RALGPS2: variants seen among roughly 807,000 people sequenced by gnomAD.
RALGPS2 encodes the protein ras-specific guanine nucleotide-releasing factor RalGPS2.
A neutral mutation model predicts 86.8 loss-of-function variants in RALGPS2; 43 were observed. That is an observed-to-expected ratio of 0.50 (90% CI 0.39 to 0.64). The LOEUF is 0.64. Among genes scored for constraint, RALGPS2 ranks in the 30% least tolerant of loss-of-function variants. RALGPS2 has a pLI of 0.00. For synonymous variants in RALGPS2, 243 were observed against 231.3 expected (o/e 1.05, Z -0.46); for missense variants, 536 against 694.6 (o/e 0.77, Z 2.57).
intron 8 of RALGPS2, among the ~76,000 whole-genome samples, chr1:178,852,513 T>C (rs1434766071): frequency 1.3e-5 from 2 of 152,182 alleles, no homozygotes; most frequent in East Asian, 3.8e-4. Flanking sequence ...GGGATTGCCT[T>C]ATAGAAGAAA....
chr1:178,729,509 T>G (rs995144094), intron 1 of RALGPS2, among the ~76,000 whole-genome samples: 4 of 152,230 alleles, frequency 2.6e-5, no homozygotes, highest in African/African-American at 9.6e-5. Context: ...GATTAATATT[T>G]GATTTATACA....
rs769546705 is a variant in RALGPS2, at chr1:178,897,703, A to G, written c.1471A>G (p.Thr491Ala). The G allele has an allele frequency of 6.2e-7, 1 of 1,612,542 alleles. No individual in the cohort carries two copies. The highest frequency in any genetic ancestry group is 8.5e-7 in the Non-Finnish European group (1 of 1,179,098). ...WTKYWAALCG[T>A]QLFYYAAKSL... is the part of the protein sequence containing the mutation. Reference sequence around the variant, plus strand: ...AAAATATTGGGCAGCTTTGTGTGGGACACAGCTTTTTTACTATGCTGCCAA... The same window carrying G: ...AAAATATTGGGCAGCTTTGTGTGGGGCACAGCTTTTTTACTATGCTGCCAA... The change falls in exon 17 of 20, where the codon ACA becomes GCA. Residue 491 changes from threonine (T) to alanine (A), a missense_variant. Thr to Ala is a moderately conservative substitution (Grantham distance 58, BLOSUM62 0). Coordinates refer to ENST00000367635, the MANE Select transcript of RALGPS2 (RefSeq NM_152663.5).
At chr1:178,819,801 C>T (rs1008383271) in intron 6 of RALGPS2, among the ~76,000 whole-genome samples, 1 of 152,156 alleles carries the variant, frequency 6.6e-6, no homozygotes, top group Admixed American at 6.5e-5. Context: ...ATCCATTCCC[C>T]CTCTTCAACT....
At chr1:178,741,990 G>C (rs188219429) in intron 1 of RALGPS2, among the ~76,000 whole-genome samples, 1 of 151,986 alleles carries the variant, frequency 6.6e-6, no homozygotes, top group Non-Finnish European at 1.5e-5. Context: ...ACAAAAATTA[G>C]CCGGGCATGG....
intron 6 of RALGPS2, 120 bp from the exon 7 acceptor site, chr1:178,821,492 A>T: frequency 1.4e-6 from 1 of 710,532 alleles, no homozygotes; most frequent in Middle Eastern, 2.5e-4. Flanking sequence ...GTTCTCAGTA[A>T]TGAAGGTAAT....
chr1:178,758,975 A>G (rs1458483652), intron 1 of RALGPS2, among the ~76,000 whole-genome samples: 2 of 151,968 alleles, frequency 1.3e-5, no homozygotes, highest in African/African-American at 2.4e-5. Flanking sequence ...CTGGTTATTA[A>G]TCCCTTCTCA....
intron 1 of RALGPS2, among the ~76,000 whole-genome samples, chr1:178,734,775 G>A (rs1206055898): frequency 6.6e-6 from 1 of 152,102 alleles, no homozygotes; most frequent in African/African-American, 2.4e-5. Flanking sequence ...TCTAAAATAG[G>A]GAGAGGGAGA....
intron 1 of RALGPS2, among the ~76,000 whole-genome samples, chr1:178,763,875 T>G (rs565442559): frequency 4.8e-5 from 7 of 144,982 alleles, no homozygotes; most frequent in African/African-American, 1.8e-4. Context: ...TATGATTTTG[T>G]TTTTTTTTTT....
chr1:178,812,610 G>A (rs538472569), intron 6 of RALGPS2, among the ~76,000 whole-genome samples: 1 of 152,286 alleles, frequency 6.6e-6, no homozygotes, highest in South Asian at 2.1e-4. Flanking sequence ...ATATTTTAGG[G>A]TAATATATTT....
chr1:178,873,554 A>G (rs1658863399), intron 8 of RALGPS2, among the ~76,000 whole-genome samples: 2 of 152,204 alleles, frequency 1.3e-5, no homozygotes, highest in South Asian at 4.1e-4. Flanking sequence ...CATCTTGTAA[A>G]GTTGAATATT....
intron 4 of RALGPS2, among the ~76,000 whole-genome samples, chr1:178,805,742 A>T (rs1364484142): frequency 5.3e-5 from 8 of 152,158 alleles, no homozygotes; most frequent in African/African-American, 1.9e-4. Context: ...CCCCATTTAT[A>T]TAATTCATTT....
intron 4 of RALGPS2, among the ~76,000 whole-genome samples, chr1:178,796,467 C>T (rs1242354747): frequency 6.6e-6 from 1 of 152,112 alleles, no homozygotes; most frequent in African/African-American, 2.4e-5. Context: ...AGAGATGTCT[C>T]AGCAATAATT....
At chr1:178,746,449 A>G (rs1383713477) in intron 1 of RALGPS2, among the ~76,000 whole-genome samples, 1 of 152,202 alleles carries the variant, frequency 6.6e-6, no homozygotes, top group South Asian at 2.1e-4. Context: ...ACATCTTTCT[A>G]CATTTCATAC....
intron 19 of RALGPS2, among the ~76,000 whole-genome samples, chr1:178,908,109 CTCAG>C (rs1660464191): frequency 6.6e-6 from 1 of 152,126 alleles, no homozygotes; most frequent in Admixed American, 6.5e-5. Flanking sequence ...TCTGGTAATG[CTCAG>C]TGTCGATTGT....
At chr1:178,836,785 A>C (rs1019134700) in intron 8 of RALGPS2, among the ~76,000 whole-genome samples, 6 of 149,410 alleles carry the variant, frequency 4.0e-5, no homozygotes, top group African/African-American at 1.2e-4. Context: ...TCTTTTTTTT[A>C]TTTTTATTTT....
chr1:178,789,299 G>C (rs542257459), intron 4 of RALGPS2, among the ~76,000 whole-genome samples: 1 of 152,316 alleles, frequency 6.6e-6, no homozygotes, highest in South Asian at 2.1e-4. Context: ...AGGAGACCAC[G>C]TGAGAGATGA....
intron 7 of RALGPS2, among the ~76,000 whole-genome samples, chr1:178,827,812 C>T (rs180689316): frequency 1.3e-5 from 2 of 152,168 alleles, no homozygotes. Context: ...TAAATACACA[C>T]ATTTACAGTC....
intron 2 of RALGPS2, among the ~76,000 whole-genome samples, chr1:178,780,551 A>C (rs2102117417): frequency 1.3e-5 from 2 of 152,262 alleles, no homozygotes; most frequent in South Asian, 4.1e-4. Flanking sequence ...CCTTTTATTC[A>C]AGACTTTCTT....
chr1:178,898,591 C>T (rs931298320), intron 17 of RALGPS2, among the ~76,000 whole-genome samples: 4 of 151,920 alleles, frequency 2.6e-5, no homozygotes, highest in East Asian at 1.9e-4. Flanking sequence ...CAGCTATACC[C>T]ACCACCTGCC....
Sources: gnomAD v4.1 joint callset for allele counts (sites outside exome capture counted in the v4.1 genomes callset) on GRCh38, gnomAD v4.1.1 for gene constraint, MANE v1.5 for transcripts, NCBI Gene and HGNC (gene_info 2026-07-23, HGNC 2026-07-21) for gene names.